GALNT17: variants seen among roughly 807,000 people sequenced by gnomAD.
The protein encoded by GALNT17 is UDP-GalNAc:polypeptide N-acetylgalactosaminyltransferase-like 3.
A neutral mutation model predicts 63.7 loss-of-function variants in GALNT17; 29 were observed. The observed-to-expected ratio is 0.46, with a 90% CI of 0.34 to 0.62. GALNT17 has a LOEUF of 0.62. Ranked by LOEUF, GALNT17 falls within the 20% of genes least tolerant of loss-of-function variation. The pLI is 0.01. For missense variants in GALNT17, 603 were observed against 799.6 expected (o/e 0.75, Z 2.97); for synonymous variants, 305 against 318.3 (o/e 0.96, Z 0.45).
chr7:71,370,267 C>T (rs1262907204), intron 2 of GALNT17, among the ~76,000 whole-genome samples: 2 of 152,126 alleles, frequency 1.3e-5, no homozygotes, highest in Non-Finnish European at 2.9e-5. Context: ...ACCTGTTCAC[C>T]AACAGAGGAA....
chr7:71,410,809 C>G (rs1395123954), intron 3 of GALNT17, among the ~76,000 whole-genome samples: 1 of 152,192 alleles, frequency 6.6e-6, no homozygotes, highest in Non-Finnish European at 1.5e-5. Flanking sequence ...GCATACCTCC[C>G]TCTCCAGTCC....
chr7:71,450,392 A>G (rs1273951444), intron 5 of GALNT17, among the ~76,000 whole-genome samples: 1 of 152,108 alleles, frequency 6.6e-6, no homozygotes, highest in East Asian at 1.9e-4. Context: ...TCGGCCTCCC[A>G]AAGTGCTGGA....
intron 5 of GALNT17, among the ~76,000 whole-genome samples, chr7:71,427,696 C>T (rs772341006): frequency 7.2e-5 from 11 of 151,952 alleles, no homozygotes; most frequent in Non-Finnish European, 1.6e-4. Context: ...TGGTCCATGG[C>T]CTTTTAGGAA....
At chr7:71,462,797 A>C (rs1304775631) in intron 5 of GALNT17, among the ~76,000 whole-genome samples, 1 of 152,160 alleles carries the variant, frequency 6.6e-6, no homozygotes, top group African/African-American at 2.4e-5. Flanking sequence ...GTGAGCAGAG[A>C]GATAACTTTG....
intron 3 of GALNT17, among the ~76,000 whole-genome samples, chr7:71,414,983 CT>C (rs372001251): frequency 0.057 from 6,638 of 117,274 alleles, 268 homozygotes; most frequent in African/African-American, 0.15. Context: ...CAAAGTATCA[CT>C]TTTTTTTTTT....
At chr7:71,145,470 C>T (rs1305635435) in intron 1 of GALNT17, among the ~76,000 whole-genome samples, 2 of 152,042 alleles carry the variant, frequency 1.3e-5, no homozygotes, top group East Asian at 3.9e-4. Flanking sequence ...TGCTTTCCAG[C>T]CTGGGTGACA....
At chr7:71,301,688 A>G (rs553520157) in intron 1 of GALNT17, among the ~76,000 whole-genome samples, 1 of 152,192 alleles carries the variant, frequency 6.6e-6, no homozygotes, top group East Asian at 1.9e-4. Context: ...AAGTGTGCGC[A>G]GTATTGGACA....
chr7:71,256,481 G>A (rs1413035327), intron 1 of GALNT17, among the ~76,000 whole-genome samples: 11 of 152,224 alleles, frequency 7.2e-5, no homozygotes, highest in Non-Finnish European at 1.5e-5. Context: ...TGAGACAAGA[G>A]AATTGCTTGA....
intron 8 of GALNT17, among the ~76,000 whole-genome samples, chr7:71,676,028 C>T (rs1791145458): frequency 6.6e-6 from 1 of 152,056 alleles, no homozygotes; most frequent in South Asian, 2.1e-4. Context: ...AATGCCTTTT[C>T]CTCTCTTTGT....
chr7:71,712,100 G>A lies in GALNT17; in HGVS notation c.1751G>A (p.Arg584His), dbSNP rs759720103. The A allele has an allele frequency of 5.0e-6, 8 of 1,613,994 alleles. No homozygotes were observed. Among genetic ancestry groups the A allele is most frequent in the South Asian group, 3.3e-5 (3 of 91,074 alleles). Residue 584 changes from arginine (R) to histidine (H), a missense_variant, in exon 11 of 11, where the codon CGC becomes CAC. Around this residue, in one of 3 missense-constraint regions of GALNT17, gnomAD observed 72 missense variants for 76.9 expected, o/e 0.94. Transcript: ENST00000333538. ...CTGGCTGGCATCGACCTCATCCTCC[G>A]CAGCTGCACAGGTCAGAGGTGGACC... ...RGLAGIDLIL[R>H]SCTGQRWTIK...
At chr7:71,347,713 A>G (rs1330749953) in intron 2 of GALNT17, among the ~76,000 whole-genome samples, 1 of 151,954 alleles carries the variant, frequency 6.6e-6, no homozygotes, top group Non-Finnish European at 1.5e-5. Flanking sequence ...TTTCCTTCAT[A>G]AGGTTCTTCC....
chr7:71,294,910 T>C (rs1791049920), intron 1 of GALNT17, among the ~76,000 whole-genome samples: 1 of 152,200 alleles, frequency 6.6e-6, no homozygotes, highest in East Asian at 1.9e-4. Flanking sequence ...TGTCATTTAA[T>C]CCCCTCTCTC....
At chr7:71,410,038 C>G (rs1486236955) in intron 3 of GALNT17, among the ~76,000 whole-genome samples, 1 of 152,098 alleles carries the variant, frequency 6.6e-6, no homozygotes, top group Middle Eastern at 3.2e-3. Flanking sequence ...AAGAATATCT[C>G]AAAGGGAAAA....
intron 9 of GALNT17, among the ~76,000 whole-genome samples, chr7:71,691,304 T>A (rs1791439774): frequency 6.6e-6 from 1 of 152,204 alleles, no homozygotes. Flanking sequence ...CCATGAAGTA[T>A]TTTTAAATTA....
intron 5 of GALNT17, among the ~76,000 whole-genome samples, chr7:71,526,786 T>G (rs1237428770): frequency 6.6e-6 from 1 of 152,144 alleles, no homozygotes; most frequent in Non-Finnish European, 1.5e-5. Flanking sequence ...AGTGTTGTGA[T>G]TACAGACATG....
At chr7:71,698,827 T>A (rs1381853854) in intron 9 of GALNT17, among the ~76,000 whole-genome samples, 1 of 152,140 alleles carries the variant, frequency 6.6e-6, no homozygotes, top group African/African-American at 2.4e-5. Flanking sequence ...GATTGCCACC[T>A]TAAATTTTTA....
At chr7:71,203,312 C>T (rs938936519) in intron 1 of GALNT17, among the ~76,000 whole-genome samples, 12 of 152,146 alleles carry the variant, frequency 7.9e-5, no homozygotes, top group African/African-American at 2.7e-4. Context: ...ACTTATCTTT[C>T]GTCTTTTTGA....
At chr7:71,226,007 A>T (rs939553747) in intron 1 of GALNT17, among the ~76,000 whole-genome samples, 1 of 152,218 alleles carries the variant, frequency 6.6e-6, no homozygotes, top group Non-Finnish European at 1.5e-5. Context: ...ACATATATAT[A>T]TGCATGTAAA....
chr7:71,660,406 C>G (rs909866609), intron 6 of GALNT17, among the ~76,000 whole-genome samples: 1 of 152,218 alleles, frequency 6.6e-6, no homozygotes, highest in Non-Finnish European at 1.5e-5. Context: ...TTGGGCACTT[C>G]CCTCTGCTCT....
Sources: allele counts gnomAD v4.1 joint callset (sites outside exome capture counted in the v4.1 genomes callset), GRCh38; gene constraint gnomAD v4.1.1; regional missense constraint gnomAD v4.1.1; transcripts MANE v1.5; gene names NCBI Gene and HGNC (gene_info 2026-07-23, HGNC 2026-07-21).